Variants in HDHD5 observed in about 807,000 individuals in gnomAD.
HDHD5 encodes haloacid dehalogenase-like hydrolase domain-containing 5.
Under a neutral mutation model 35.5 loss-of-function variants are expected in HDHD5, and 34 were observed. The observed-to-expected ratio is 0.96, with a 90% CI of 0.73 to 1.28. The LOEUF is 1.28. Ranked by LOEUF, HDHD5 falls within the 50% of genes most tolerant of loss-of-function variation. HDHD5 has a pLI of 0.00. For synonymous variants in HDHD5, 248 were observed against 240.6 expected (o/e 1.03, Z -0.29); for missense variants, 589 against 560.2 (o/e 1.05, Z -0.52).
intron 3 of HDHD5, among the ~76,000 whole-genome samples, chr22:17,146,495 C>T (rs1268176988): frequency 6.2e-5 from 9 of 145,494 alleles, no homozygotes; most frequent in Non-Finnish European, 1.2e-4. Flanking sequence ...TGGCGCCCTC[C>T]TGTGAGCTTA....
chr22:17,141,389 T>G, intron 5 of HDHD5, 156 bp from the exon 6 acceptor site: 1 of 1,387,162 alleles, frequency 7.2e-7, no homozygotes, highest in Non-Finnish European at 9.2e-7. Context: ...GTAGAGCCCC[T>G]TACCCATCCA....
At chr22:17,153,423 T>G (rs2061750729) in intron 1 of HDHD5, among the ~76,000 whole-genome samples, 1 of 152,134 alleles carries the variant, frequency 6.6e-6, no homozygotes, top group Non-Finnish European at 1.5e-5. Flanking sequence ...CCAGGACTGC[T>G]TCCCCCACCT....
chr22:17,157,114 A>ACACACACACACACACACACACACAC (rs1555881519), intron 1 of HDHD5, among the ~76,000 whole-genome samples: 4 of 148,204 alleles, frequency 2.7e-5, no homozygotes, highest in Non-Finnish European at 5.9e-5. Flanking sequence ...ACACACACAC[A>ACACACACACACACACACACACACAC]AAAGAAAAAA....
chr22:17,138,316 T>G lies in HDHD5; in HGVS notation c.977A>C (p.His326Pro). 1 of 1,613,826 alleles carries G rather than the reference T, an allele frequency of 6.2e-7. No homozygotes were observed. Residue 326 changes from histidine to proline, a missense_variant, in exon 8 of 8, where the codon CAC (histidine) becomes CCC (proline). Transcript: ENST00000336737. ...ATGCGTTGCCTTCTGCAGGTACTGG[T>G]GGAACAGGTTGGCGCCGTATACGTC... is the stretch of plus-strand genomic sequence containing the variant. ...MSDVYGANLF[H>P]QYLQKATHDG...
At chr22:17,152,541 C>A (rs1466042145) in intron 1 of HDHD5, among the ~76,000 whole-genome samples, 1 of 151,994 alleles carries the variant, frequency 6.6e-6, no homozygotes, top group Non-Finnish European at 1.5e-5. Flanking sequence ...TAGGAGCGGG[C>A]AGCGAGAGGT....
upstream of HDHD5, among the ~76,000 whole-genome samples, chr22:17,163,986 G>A (rs920864201): frequency 6.6e-6 from 1 of 152,108 alleles, no homozygotes; most frequent in African/African-American, 2.4e-5. Flanking sequence ...TTTGGGAGGT[G>A]GAGGCGGGCA....
At chr22:17,145,319 A>G (rs774869951) in intron 3 of HDHD5, 2 of 413,162 alleles carry the variant, frequency 4.8e-6, no homozygotes, top group Non-Finnish European at 6.5e-6. Context: ...TAGAGAGGGC[A>G]GCTCCTGGGT....
chr22:17,138,618 C>A lies in HDHD5; in HGVS notation c.867G>T (p.Glu289Asp). 6.2e-7 allele frequency: 1 copy of A among 1,614,218 alleles called. No individual in the cohort carries two copies. The highest frequency in any genetic ancestry group is 8.5e-7 in the Non-Finnish European group (1 of 1,180,030). ...KPSILTYQYAEDLIRRQAERR... is the reference protein window; with the variant it reads ...KPSILTYQYADDLIRRQAERR... ...TCTCCGCCTGTCGCCTGATCAGGTCCTCGGCATACTGGTAAGTGAGGATGC... is the reference window on the plus strand; with the variant it reads ...TCTCCGCCTGTCGCCTGATCAGGTCATCGGCATACTGGTAAGTGAGGATGC... Residue 289 changes from glutamate to aspartate, a missense_variant, in exon 7 of 8, where the codon GAG becomes GAT. By Grantham distance (45) the Glu-to-Asp change is conservative. Transcript: ENST00000336737.
chr22:17,143,790 AAAAAGT>A (rs2061626226), intron 4 of HDHD5: 1 of 152,330 alleles, frequency 6.6e-6, no homozygotes, highest in Non-Finnish European at 1.5e-5. Context: ...ATCAGCAAAT[AAAAAGT>A]AAGTTATCTG....
chr22:17,152,507 G>A (rs2123871056), intron 1 of HDHD5, among the ~76,000 whole-genome samples: 1 of 152,208 alleles, frequency 6.6e-6, no homozygotes, highest in Admixed American at 6.5e-5. Context: ...ATGCGGGTAT[G>A]AGTCACTGAA....
intron 3 of HDHD5, among the ~76,000 whole-genome samples, chr22:17,148,007 G>A (rs925107603): frequency 2.0e-5 from 3 of 152,186 alleles, no homozygotes; most frequent in African/African-American, 7.2e-5. Flanking sequence ...TTATTCCGCA[G>A]GCTCCCAGAG....
At chr22:17,139,398 C>T (rs984080314) in intron 6 of HDHD5, among the ~76,000 whole-genome samples, 1 of 151,994 alleles carries the variant, frequency 6.6e-6, no homozygotes, top group African/African-American at 2.4e-5. Context: ...TGTGGTGGCA[C>T]ATGCCTGTAG....
chr22:17,163,902 C>T (rs982515997), upstream of HDHD5, among the ~76,000 whole-genome samples: 2 of 152,192 alleles, frequency 1.3e-5, no homozygotes, highest in African/African-American at 4.8e-5. Context: ...TGCAGGATGC[C>T]TTGCACATGA....
At chr22:17,151,734 A>T (rs2061727907) in intron 1 of HDHD5, among the ~76,000 whole-genome samples, 1 of 20,376 alleles carries the variant, frequency 4.9e-5, no homozygotes, top group Non-Finnish European at 1.9e-4. Flanking sequence ...TACTAAAAAA[A>T]AAAAAAAAAA....
At chr22:17,163,741 G>A (rs1425501214), upstream of HDHD5, among the ~76,000 whole-genome samples, 1 of 152,196 alleles carries the variant, frequency 6.6e-6, no homozygotes, top group Non-Finnish European at 1.5e-5. Flanking sequence ...GGAATCCGAG[G>A]TGAGCCAGTT....
At chr22:17,164,370 G>C (rs1004470030) in intron 1 of HDHD5, among the ~76,000 whole-genome samples, 13 of 152,176 alleles carry the variant, frequency 8.5e-5, no homozygotes, top group South Asian at 2.1e-4. Flanking sequence ...ATTAGGTTTG[G>C]CTGTAAGACA....
intron 6 of HDHD5, among the ~76,000 whole-genome samples, chr22:17,139,502 TG>T (rs1467965477): frequency 4.0e-5 from 6 of 150,654 alleles, no homozygotes; most frequent in Non-Finnish European, 8.9e-5. Flanking sequence ...CATTCCAGCC[TG>T]GGCAAAAGAG....
At chr22:17,140,613 G>A (rs2061589098) in intron 6 of HDHD5, among the ~76,000 whole-genome samples, 1 of 152,026 alleles carries the variant, frequency 6.6e-6, no homozygotes, top group African/African-American at 2.4e-5. Flanking sequence ...AACAAAAAAC[G>A]ACAAATCCTT....
intron 1 of HDHD5, among the ~76,000 whole-genome samples, chr22:17,150,253 T>C (rs2061711474): frequency 6.6e-6 from 1 of 152,230 alleles, no homozygotes; most frequent in African/African-American, 2.4e-5. Context: ...TAAATATTTT[T>C]ATGGATTACA....
Sources: gnomAD v4.1 joint callset for allele counts (sites outside exome capture counted in the v4.1 genomes callset) on GRCh38, gnomAD v4.1.1 for gene constraint, MANE v1.5 for transcripts, NCBI Gene and HGNC (gene_info 2026-07-23, HGNC 2026-07-21) for gene names.